SDF2: variants seen among roughly 807,000 people sequenced by gnomAD.
SDF2 encodes stromal cell-derived factor 2.
In SDF2, 12 loss-of-function variants were observed where a neutral mutation model predicts 20.5. The ratio of observed to expected loss-of-function variants is 0.58; its 90% CI spans 0.37 to 0.95. The LOEUF is 0.95. Ranked by LOEUF, SDF2 falls within the 40% of genes least tolerant of loss-of-function variation. SDF2 has a pLI of 0.01. For missense variants in SDF2, 238 were observed against 263.1 expected, an observed-to-expected ratio of 0.90 and a Z score of 0.66; for synonymous variants, 100 against 101.0, an observed-to-expected ratio of 0.99 and a Z score of 0.06.
At chr17:28,650,258 G>A (rs1351364185) in intron 2 of SDF2, among the ~76,000 whole-genome samples, 1 of 151,884 alleles carries the variant, frequency 6.6e-6, no homozygotes, top group Non-Finnish European at 1.5e-5. Context: ...GGCCACTCCA[G>A]TGTTGTTTAA....
intron 2 of SDF2, among the ~76,000 whole-genome samples, chr17:28,654,859 G>A (rs2071944766): frequency 6.6e-6 from 1 of 152,198 alleles, no homozygotes; most frequent in Non-Finnish European, 1.5e-5. Context: ...GGGCAGCTGA[G>A]GTGGGAGAAC....
At chr17:28,653,928 G>A (rs1418581423) in intron 2 of SDF2, among the ~76,000 whole-genome samples, 3 of 152,352 alleles carry the variant, frequency 2.0e-5, no homozygotes, top group African/African-American at 7.2e-5. Context: ...TCGAAGGTAA[G>A]ATATTAATAG....
rs1248229124 is a variant in SDF2, at chr17:28,655,490, T to A, written c.152-7A>T. ...ACTGACTGCTGCCCACTACCTGCAG[T>A]TAAGAAAAGAAAGGCAACTCTCTTT... On this transcript the variant is annotated splice_region_variant and splice_polypyrimidine_tract_variant and intron_variant, in intron 1 of 2. Coordinates refer to ENST00000247020, the MANE Select transcript of SDF2 (RefSeq NM_006923.4). The A allele has an allele frequency of 6.4e-7, 1 of 1,574,640 alleles. No homozygotes were observed. The highest frequency in any genetic ancestry group is 1.4e-5 in the African/African-American group (1 of 73,318).
chr17:28,649,252 C>G lies in SDF2; in HGVS notation c.373G>C (p.Gly125Arg), dbSNP rs1478197031. ...NQEVSAFGEEGEGDYLDDWTV... is the reference protein window; with the variant it reads ...NQEVSAFGEEREGDYLDDWTV... Reference sequence around the variant, plus strand: ...CAGTCATCCAGATAATCACCTTCACCTTCCTCACCAAAAGCACTCACTTCC... The same window carrying G: ...CAGTCATCCAGATAATCACCTTCACGTTCCTCACCAAAAGCACTCACTTCC... Residue 125 changes from glycine to arginine, a missense_variant, in exon 3 of 3, where the codon GGT (glycine) becomes CGT (arginine). By Grantham distance (125) the Gly-to-Arg change is moderately radical. Transcript: ENST00000247020. The G allele has an allele frequency of 4.3e-6, 7 of 1,614,092 alleles. No individual in the cohort carries two copies. The highest frequency in any genetic ancestry group is 5.9e-6 in the Non-Finnish European group (7 of 1,180,006).
chr17:28,654,385 A>G (rs1027864259), intron 2 of SDF2, among the ~76,000 whole-genome samples: 1 of 151,970 alleles, frequency 6.6e-6, no homozygotes, highest in Admixed American at 6.6e-5. Flanking sequence ...AAGTTGGAAA[A>G]CATTGGGTTT....
chr17:28,649,443 G>T (rs923117036), intron 2 of SDF2, among the ~76,000 whole-genome samples, 167 bp from the exon 3 acceptor site: 3 of 152,190 alleles, frequency 2.0e-5, no homozygotes, highest in Non-Finnish European at 2.9e-5. Flanking sequence ...CAGATCACTT[G>T]AGCCCAAGAG....
At chr17:28,661,677 G>A in intron 1 of SDF2, 49 bp downstream of exon 1, 1 of 1,585,956 alleles carries the variant, frequency 6.3e-7, no homozygotes, top group Non-Finnish European at 8.6e-7. Context: ...CGCCCCTCCA[G>A]AGCCTCCGAG....
intron 2 of SDF2, among the ~76,000 whole-genome samples, chr17:28,650,109 T>G (rs2071900919): frequency 6.6e-6 from 1 of 151,960 alleles, no homozygotes; most frequent in Non-Finnish European, 1.5e-5. Flanking sequence ...TGTGCCACCA[T>G]GCCCGGCTAA....
chr17:28,650,038 C>T (rs1254866164), intron 2 of SDF2, among the ~76,000 whole-genome samples: 1 of 152,168 alleles, frequency 6.6e-6, no homozygotes, highest in Non-Finnish European at 1.5e-5. Context: ...CCACAACCTC[C>T]GCCTCCCAGG....
intron 1 of SDF2, chr17:28,660,423 T>C (rs1567678884): frequency 6.6e-6 from 1 of 152,202 alleles, no homozygotes; most frequent in Non-Finnish European, 1.5e-5. Flanking sequence ...TCAACCACAG[T>C]CTGTACAAGA....
At chr17:28,660,513 G>C (rs1339839546) in intron 1 of SDF2, 1 of 152,338 alleles carries the variant, frequency 6.6e-6, no homozygotes, top group African/African-American at 2.4e-5. Flanking sequence ...CCCAAATCTG[G>C]CTGTCCATCA....
At chr17:28,659,751 C>T (rs929277122) in intron 1 of SDF2, among the ~76,000 whole-genome samples, 47 of 150,804 alleles carry the variant, frequency 3.1e-4, no homozygotes, top group African/African-American at 1.1e-3. Context: ...CTCCTCATAT[C>T]CCAGACGGGG....
intron 2 of SDF2, among the ~76,000 whole-genome samples, chr17:28,650,986 C>T (rs1248876644): frequency 6.6e-6 from 1 of 151,852 alleles, no homozygotes; most frequent in Admixed American, 6.6e-5. Flanking sequence ...CCTTGGCTGG[C>T]CTCTAACTCC....
chr17:28,651,996 T>C (rs1238721823), intron 2 of SDF2, among the ~76,000 whole-genome samples: 1 of 152,124 alleles, frequency 6.6e-6, no homozygotes, highest in East Asian at 1.9e-4. Context: ...GGTAATGGAT[T>C]ACAGCTAAAG....
At chr17:28,655,102 C>A (rs2071948651) in intron 2 of SDF2, among the ~76,000 whole-genome samples, 185 bp downstream of exon 2, 1 of 152,254 alleles carries the variant, frequency 6.6e-6, no homozygotes, top group Admixed American at 6.5e-5. Flanking sequence ...GCACTGCAGC[C>A]TGGGTGACAG....
chr17:28,658,035 C>G (rs1189880514), intron 1 of SDF2, among the ~76,000 whole-genome samples: 1 of 152,120 alleles, frequency 6.6e-6, no homozygotes, highest in Non-Finnish European at 1.5e-5. Context: ...TTTATTATAT[C>G]TTTTTTCAGA....
intron 1 of SDF2, chr17:28,657,892 G>A (rs2071979436): frequency 6.6e-6 from 1 of 152,182 alleles, no homozygotes; most frequent in Non-Finnish European, 1.5e-5. Context: ...GGGTGCACTT[G>A]TAGTCCCAGC....
At chr17:28,650,552 G>A (rs957870468) in intron 2 of SDF2, among the ~76,000 whole-genome samples, 3 of 151,526 alleles carry the variant, frequency 2.0e-5, no homozygotes, top group South Asian at 4.2e-4. Flanking sequence ...TTGGGAGGGC[G>A]AGGCGGGCAG....
intron 1 of SDF2, among the ~76,000 whole-genome samples, chr17:28,659,718 G>A (rs539027140): frequency 1.9e-4 from 29 of 150,934 alleles, no homozygotes; most frequent in Non-Finnish European, 3.5e-4. Flanking sequence ...CTTCCCAGAC[G>A]GGGTGGCGGC....
Sources: allele counts gnomAD v4.1 joint callset (sites outside exome capture counted in the v4.1 genomes callset), GRCh38; gene constraint gnomAD v4.1.1; transcripts MANE v1.5; gene names NCBI Gene and HGNC (gene_info 2026-07-23, HGNC 2026-07-21).